TMC3: variants seen among roughly 807,000 people sequenced by gnomAD.
TMC3 encodes transmembrane channel-like protein 3.
TMC3 carries 98 observed loss-of-function variants against 110.6 expected under a neutral mutation model. That is an observed-to-expected ratio of 0.89 (90% CI 0.75 to 1.05). TMC3 has a LOEUF of 1.05. Among genes scored for constraint, TMC3 ranks in the 50% least tolerant of loss-of-function variants. The pLI, the probability that TMC3 is intolerant of heterozygous loss-of-function variation, is 0.00. For synonymous variants in TMC3, 489 were observed against 513.1 expected, an observed-to-expected ratio of 0.95 and a Z score of 0.63; for missense variants, 1,319 against 1,373.2, an observed-to-expected ratio of 0.96 and a Z score of 0.62.
At chr15:81,341,163 C>T (rs562827309) in intron 16 of TMC3, among the ~76,000 whole-genome samples, 3 of 152,168 alleles carry the variant, frequency 2.0e-5, no homozygotes, top group African/African-American at 7.2e-5. Context: ...TATTAAACTT[C>T]GGCAAAACGT....
intron 16 of TMC3, among the ~76,000 whole-genome samples, 161 bp from the exon 17 acceptor site, chr15:81,339,665 A>T (rs1893672226): frequency 6.6e-6 from 1 of 152,218 alleles, no homozygotes; most frequent in African/African-American, 2.4e-5. Flanking sequence ...ATAGGGTCAC[A>T]TGCAGCTTAG....
chr15:81,365,331 A>G (rs1253842734), intron 3 of TMC3, among the ~76,000 whole-genome samples: 1 of 152,286 alleles, frequency 6.6e-6, no homozygotes, highest in African/African-American at 2.4e-5. Flanking sequence ...TGCTAAGCAC[A>G]GGGCTAGCCA....
intron 19 of TMC3, among the ~76,000 whole-genome samples, chr15:81,337,173 T>C (rs1258276403): frequency 6.6e-6 from 1 of 151,896 alleles, no homozygotes; most frequent in African/African-American, 2.4e-5. Flanking sequence ...TTCAGGGCTG[T>C]GAAAGGACAG....
rs763948476 is a variant in TMC3, at chr15:81,344,774, CGT to C, written c.1508_1509del (p.Tyr503CysfsTer12). 8.1e-6 allele frequency: 13 copies of C among 1,613,638 alleles called. No individual in the cohort carries two copies. Among genetic ancestry groups the C allele is most frequent in the Non-Finnish European group, 1.0e-5 (12 of 1,179,858 alleles). On this transcript the variant is annotated frameshift_variant, in exon 13 of 22. Coordinates refer to ENST00000359440, the MANE Select transcript of TMC3 (RefSeq NM_001080532.3). LOFTEE classifies it high-confidence loss of function. ...AGGGTAAAGAGAACCACCTGACCAA[CGT>C]ATGTCTCCCAGCACTGGTCTTGTGG... Reference protein sequence around the residue: ...QSPQDQCWETYVGQEMLKLSI... With the variant: ...QSPQDQCWETXVGQEMLKLSI...
intron 2 of TMC3, among the ~76,000 whole-genome samples, chr15:81,371,328 G>C (rs2141429205): frequency 6.6e-6 from 1 of 152,350 alleles, no homozygotes; most frequent in African/African-American, 2.4e-5. Flanking sequence ...AGGCTGGTCA[G>C]ACTGGAAGAA....
At chr15:81,341,838 C>A in intron 15 of TMC3, 1 of 187,660 alleles carries the variant, frequency 5.3e-6, no homozygotes, top group Non-Finnish European at 1.1e-5. Context: ...TTGGGGCCAG[C>A]TCCTGGTTTT....
At chr15:81,351,667 G>C in intron 10 of TMC3, 27 bp downstream of exon 10, 1 of 1,551,584 alleles carries the variant, frequency 6.4e-7, no homozygotes. Context: ...TCTTTTCTAG[G>C]GTGCTGCAGG....
chr15:81,356,387 G>C, intron 8 of TMC3, 60 bp downstream of exon 8: 1 of 1,517,608 alleles, frequency 6.6e-7, no homozygotes, highest in Non-Finnish European at 8.9e-7. Flanking sequence ...CTGAGGGCCA[G>C]CGGCTGGCTC....
In TMC3 at chr15:81,344,896, C is replaced by T; in HGVS notation, c.1388G>A (p.Arg463Lys). Residue 463 changes from arginine (R) to lysine (K), a missense_variant, in exon 13 of 22, where the codon AGG (arginine) becomes AAG (lysine). Coordinates refer to ENST00000359440, the MANE Select transcript of TMC3 (RefSeq NM_001080532.3). ...WSTSRPGMGL[R>K]RNNTWALEET... ...TTCCAAGGCCCATGTGTTGTTTCTC[C>T]TGAGCCCCATTCCAGGCCGAGATGT... 1.2e-6 allele frequency: 2 copies of T among 1,613,932 alleles called. No homozygotes were observed. The highest frequency in any genetic ancestry group is 1.3e-5 in the African/African-American group (1 of 75,026).
Position 81,344,832 on chromosome 15 carries a change from CTTT to C in TMC3, c.1449_1451del (p.Ile483_Lys484delinsMet). On this transcript the variant is annotated inframe_deletion, in exon 13 of 22. Coordinates refer to ENST00000359440, the MANE Select transcript of TMC3 (RefSeq NM_001080532.3). Reference sequence around the variant, plus strand: ...GAGTGTGGAGGCTAGTCTTGTTGGCCTTTATAAGAGGCATGGTATAAGCTGAAA... The same window carrying C: ...GAGTGTGGAGGCTAGTCTTGTTGGCCATAAGAGGCATGGTATAAGCTGAAA... 1 of 1,613,830 alleles carries C rather than the reference CTTT, an allele frequency of 6.2e-7. No individual in the cohort carries two copies. The highest frequency in any genetic ancestry group is 8.5e-7 in the Non-Finnish European group (1 of 1,179,848).
intron 9 of TMC3, among the ~76,000 whole-genome samples, chr15:81,353,421 T>A (rs1349549516): frequency 6.6e-6 from 1 of 152,226 alleles, no homozygotes; most frequent in Non-Finnish European, 1.5e-5. Flanking sequence ...CATTCACTAA[T>A]CACTCATTCA....
chr15:81,339,058 A>G (rs769394694), intron 17 of TMC3, among the ~76,000 whole-genome samples: 53 of 152,256 alleles, frequency 3.5e-4, no homozygotes, highest in Admixed American at 6.5e-4. Flanking sequence ...GCTTGAATAC[A>G]GCTGGATAAT....
chr15:81,358,480 A>G lies in TMC3; in HGVS notation c.522T>C (p.Phe174=). ...GGATGGTCTTCCTGGCTGTGCTTCCAAAGGGCTGGCCTGCAATCAGCTGGT... is the reference window on the plus strand; with the variant it reads ...GGATGGTCTTCCTGGCTGTGCTTCCGAAGGGCTGGCCTGCAATCAGCTGGT... ...VIPELIAGQP[F]GSTARKTIPK... Residue 174 remains phenylalanine (F), a synonymous_variant, in exon 6 of 22, where the codon TTT becomes TTC. Coordinates refer to ENST00000359440, the MANE Select transcript of TMC3 (RefSeq NM_001080532.3). The G allele has an allele frequency of 6.2e-7, 1 of 1,612,760 alleles. No individual in the cohort carries two copies. The highest frequency in any genetic ancestry group is 2.2e-5 in the East Asian group (1 of 44,846).
chr15:81,332,282 CAGCT>C lies in TMC3; in HGVS notation c.*133_*136del, dbSNP rs1218744648. On this transcript the variant is annotated 3_prime_UTR_variant, in exon 22 of 22. Coordinates refer to ENST00000359440, the MANE Select transcript of TMC3 (RefSeq NM_001080532.3). The stretch of plus-strand genomic sequence containing the variant: ...TGTAGCCCTGTCAGCCTCAGGGCCT[CAGCT>C]AGCAGCCGCTGACCATGCCCCTCAG... The C allele has an allele frequency of 1.5e-6, 2 of 1,304,804 alleles. No homozygotes were observed. The highest frequency in any genetic ancestry group is 1.5e-5 in the African/African-American group (1 of 67,066). 80.8% of individuals were successfully genotyped at this position (1,304,804 alleles called of 1,614,324 possible).
chr15:81,335,704 TC>T (rs1324709983), intron 20 of TMC3: 1 of 152,424 alleles, frequency 6.6e-6, no homozygotes, highest in African/African-American at 2.4e-5. Context: ...GGTCCCATTC[TC>T]ATTCATGTAG....
chr15:81,348,434 T>C (rs1893871188), intron 11 of TMC3, among the ~76,000 whole-genome samples: 1 of 152,190 alleles, frequency 6.6e-6, no homozygotes, highest in Non-Finnish European at 1.5e-5. Flanking sequence ...GAAGAGACCA[T>C]ACTCCGGGGA....
At chr15:81,373,923 T>C in intron 1 of TMC3, 66 bp downstream of exon 1, 1 of 1,442,400 alleles carries the variant, frequency 6.9e-7, no homozygotes, top group Non-Finnish European at 9.6e-7. Context: ...CTCGCTCTGG[T>C]GACCCATGCA....
chr15:81,368,455 T>C (rs899968813), intron 2 of TMC3, 127 bp from the exon 3 acceptor site: 1 of 672,444 alleles, frequency 1.5e-6, no homozygotes, highest in Non-Finnish European at 2.7e-6. Flanking sequence ...AAAGATGCCA[T>C]GAGAGAATGG....
At position 81,338,659 on chromosome 15, in the gene TMC3, G is replaced by T. The variant is rs1893647835; in HGVS notation, c.2077C>A (p.Leu693Ile). 6.2e-7 allele frequency: 1 copy of T among 1,613,804 alleles called. No homozygotes were observed. The highest frequency in any genetic ancestry group is 1.3e-5 in the African/African-American group (1 of 74,900). Residue 693 changes from leucine to isoleucine, a missense_variant, in exon 18 of 22, where the codon CTT (leucine) becomes ATT (isoleucine). Leu to Ile is a conservative substitution (Grantham distance 5). Transcript: ENST00000359440. ...PVVILPAVLLLFMLIYYLQSI... is the reference protein window; with the variant it reads ...PVVILPAVLLIFMLIYYLQSI... ...GCTGGCAGGTGTGGTACTCACAAAA[G>T]CAGGAGTACTGCGGGCAGGATGACC...
Sources: gnomAD v4.1 joint callset for allele counts (sites outside exome capture counted in the v4.1 genomes callset) on GRCh38, gnomAD v4.1.1 for gene constraint, MANE v1.5 for transcripts, NCBI Gene and HGNC (gene_info 2026-07-23, HGNC 2026-07-21) for gene names.